ING1: variants seen among roughly 807,000 people sequenced by gnomAD.
ING1 encodes inhibitor of growth protein 1.
In ING1, 4 loss-of-function variants were observed where a neutral mutation model predicts 23.1. That is an observed-to-expected ratio of 0.17 (90% CI 0.09 to 0.40). ING1 has a LOEUF of 0.40. ING1 is among the 10% of genes least tolerant of loss of function. The pLI is 1.00. For missense variants in ING1, 256 were observed against 393.8 expected, an observed-to-expected ratio of 0.65 and a Z score of 2.96; for synonymous variants, 179 against 166.4, an observed-to-expected ratio of 1.08 and a Z score of -0.58.
At position 110,713,844 on chromosome 13, in the gene ING1, T is replaced by C. The variant is rs2064071664; in HGVS notation, c.-306T>C. On this transcript the variant is annotated 5_prime_UTR_variant, in exon 1 of 2. Coordinates refer to ENST00000333219, the MANE Select transcript of ING1 (RefSeq NM_198219.3). Reference sequence around the variant, plus strand: ...CGCTGGGCCCTCTCCCGCCGGTGTGTGCGCGCTCGTACGCGCGGCCCCCGG... The same window carrying C: ...CGCTGGGCCCTCTCCCGCCGGTGTGCGCGCGCTCGTACGCGCGGCCCCCGG... The C allele has an allele frequency of 2.0e-6, 2 of 982,772 alleles. No individual in the cohort carries two copies. Among genetic ancestry groups the C allele is most frequent in the Non-Finnish European group, 1.2e-6 (1 of 828,850 alleles). 60.9% of individuals were successfully genotyped at this position (982,772 alleles called of 1,614,324 possible). A position where few individuals can be genotyped will look rare whatever the true frequency, so the allele number is the denominator to read the frequency against.
rs1456899992 is a variant in ING1 at position 110,719,929 on chromosome 13, G to A, written c.837G>A (p.Arg279=). 4 of 1,594,948 alleles carry A rather than the reference G, an allele frequency of 2.5e-6. No homozygotes were observed. Among genetic ancestry groups the A allele is most frequent in the South Asian group, 2.3e-5 (2 of 88,844 alleles). The part of the protein sequence containing the change: ...EKSKKERAYN[R] ...CCAAAAAAGAGAGGGCTTACAACAG[G>A]TAGTTTGTGGACAGGCGCCTGGTGT... The change falls in exon 2 of 2, where the codon AGG becomes AGA. Residue 279 remains arginine, a synonymous_variant. Coordinates refer to ENST00000333219, the MANE Select transcript of ING1 (RefSeq NM_198219.3). This position sits in a 1 kb window ranked among gnomAD's most constrained non-coding sequence, Gnocchi z 8.9.
rs1013960719 is a variant in ING1, at chr13:110,719,616, C to T, written c.524C>T (p.Thr175Ile). 1.5e-5 allele frequency: 24 copies of T among 1,612,102 alleles called. No individual in the cohort carries two copies. Among genetic ancestry groups the T allele is most frequent in the Non-Finnish European group, 1.9e-5 (23 of 1,179,594 alleles). ...NHDHDDGASG[T>I]PKEKKAKTSK... ...GACCACGACGACGGCGCCTCGGGCA[C>T]ACCCAAGGAGAAGAAGGCCAAGACC... is the stretch of plus-strand genomic sequence containing the variant. The change falls in exon 2 of 2, where the codon ACA becomes ATA. Residue 175 changes from threonine to isoleucine, a missense_variant. Around this residue, in one of 3 missense-constraint regions of ING1, gnomAD observed 209 missense variants for 273.8 expected, o/e 0.76. Transcript: ENST00000333219. This position sits in a 1 kb window ranked among gnomAD's most constrained non-coding sequence, Gnocchi z 8.9.
At chr13:110,716,806 A>G (rs1488998921) in intron 1 of ING1, among the ~76,000 whole-genome samples, 3 of 152,238 alleles carry the variant, frequency 2.0e-5, no homozygotes, top group Non-Finnish European at 4.4e-5. Flanking sequence ...TAGTGTCTGA[A>G]GCTGAGTTGC....
In ING1 at chr13:110,720,154, C is replaced by T; in HGVS notation, c.*222C>T. Reference sequence around the variant, plus strand: ...CTGTGGATCAGCATTTTAGAAACTACAAATATAGGTTTGATTCAACACTTA... The same window carrying T: ...CTGTGGATCAGCATTTTAGAAACTATAAATATAGGTTTGATTCAACACTTA... On this transcript the variant is annotated 3_prime_UTR_variant, in exon 2 of 2. Transcript: ENST00000333219. 1 of 400,154 alleles carries T rather than the reference C, an allele frequency of 2.5e-6. No individual in the cohort carries two copies. The highest frequency in any genetic ancestry group is 4.6e-6 in the Non-Finnish European group (1 of 217,890). The allele number at this position is 400,154 out of a possible 1,614,324, so 24.8% of individuals were successfully genotyped here.
chr13:110,717,431 G>A (rs989281754), intron 1 of ING1, among the ~76,000 whole-genome samples: 1 of 152,176 alleles, frequency 6.6e-6, no homozygotes, highest in African/African-American at 2.4e-5. Flanking sequence ...TTACTCTAGT[G>A]TTAGGTATAT....
Position 110,719,509 on chromosome 13 carries a change from A to G in ING1, c.417A>G (p.Ala139=). The G allele has an allele frequency of 6.2e-7, 1 of 1,611,696 alleles. No homozygotes were observed. Among genetic ancestry groups the G allele is most frequent in the Non-Finnish European group, 8.5e-7 (1 of 1,179,062 alleles). The change falls in exon 2 of 2, where the codon GCA becomes GCG. Residue 139 remains alanine, a synonymous_variant. Transcript: ENST00000333219. This position sits in a 1 kb window ranked among gnomAD's most constrained non-coding sequence, Gnocchi z 8.9. ...AGADRPKGEA[A]AQADKPNSKR... is the part of the protein sequence containing the mutation. ...CGGACAGGCCCAAAGGCGAGGCGGC[A>G]GCGCAGGCTGACAAGCCCAACAGCA... is the stretch of plus-strand genomic sequence containing the variant.
upstream of ING1, chr13:110,713,543 C>A (rs536248412): frequency 4.1e-6 from 4 of 985,990 alleles, no homozygotes; most frequent in Non-Finnish European, 4.8e-6. Flanking sequence ...GCCACGCCCC[C>A]GCGAGGGCCG....
At chr13:110,713,101 G>C, upstream of ING1, 1 of 1,439,046 alleles carries the variant, frequency 6.9e-7, no homozygotes, top group South Asian at 1.4e-5. Context: ...GAGGACTTGG[G>C]TTTCTAGTAG....
Position 110,722,505 on chromosome 13 carries a change from A to G in ING1, c.*2573A>G, listed in dbSNP as rs1359232824. The G allele has an allele frequency of 2.0e-5, 3 of 152,344 alleles. No homozygotes were observed. The highest frequency in any genetic ancestry group is 3.9e-4 in the East Asian group (2 of 5,192). The allele number at this position is 152,344 out of a possible 1,614,324, so 9.4% of individuals were successfully genotyped here. A position where few individuals can be genotyped will look rare whatever the true frequency, so the allele number is the denominator to read the frequency against. ...TTCTTCATATTCAGTTTTGGTGTAG[A>G]CAACTGGTGAAGAGAGATGGCTCAG... On this transcript the variant is annotated 3_prime_UTR_variant, in exon 2 of 2. Coordinates refer to ENST00000333219, the MANE Select transcript of ING1 (RefSeq NM_198219.3).
At chr13:110,718,089 A>C (rs1782325317) in intron 1 of ING1, among the ~76,000 whole-genome samples, 2 of 152,244 alleles carry the variant, frequency 1.3e-5, no homozygotes, top group South Asian at 4.1e-4. Flanking sequence ...TAACATGCCC[A>C]GGAAGGTTTA....
chr13:110,714,311 G>A (rs763565571), intron 1 of ING1, 26 bp downstream of exon 1: 5 of 1,532,542 alleles, frequency 3.3e-6, no homozygotes, highest in Admixed American at 2.0e-5. Flanking sequence ...GGATGGGCGG[G>A]GGCGGCCGCC....
At chr13:110,716,522 A>G (rs922441582) in intron 1 of ING1, among the ~76,000 whole-genome samples, 9 of 152,212 alleles carry the variant, frequency 5.9e-5, no homozygotes, top group African/African-American at 1.9e-4. Context: ...ATGTTAATTC[A>G]TAAACTTGGA....
chr13:110,713,472 C>G (rs1391014927), upstream of ING1: 1 of 989,480 alleles, frequency 1.0e-6, no homozygotes, highest in South Asian at 4.4e-5. Context: ...CCGTCCACAC[C>G]CCAGCGGCCC....
intron 1 of ING1, among the ~76,000 whole-genome samples, chr13:110,716,785 A>G (rs2064127309): frequency 6.6e-6 from 1 of 152,188 alleles, no homozygotes; most frequent in African/African-American, 2.4e-5. Flanking sequence ...ATATGTTTGG[A>G]AAAAAGGCAG....
At chr13:110,715,442 T>C in intron 1 of ING1, 1 of 1,583,806 alleles carries the variant, frequency 6.3e-7, no homozygotes, top group East Asian at 2.3e-5. Context: ...TAGTTGGCTG[T>C]GATGTCCTTC....
At chr13:110,712,952 G>C, upstream of ING1, 1 of 1,560,234 alleles carries the variant, frequency 6.4e-7, no homozygotes, top group Middle Eastern at 1.7e-4. Flanking sequence ...TAGGCTGCTG[G>C]GAGTGGTGGT....
chr13:110,712,959 T>C (rs1341818104), upstream of ING1: 1 of 1,560,120 alleles, frequency 6.4e-7, no homozygotes, highest in Non-Finnish European at 8.7e-7. Flanking sequence ...CTGGGAGTGG[T>C]GGTCCGGCCG....
upstream of ING1, chr13:110,713,691 C>G: frequency 1.0e-6 from 1 of 985,332 alleles, no homozygotes; most frequent in Non-Finnish European, 1.2e-6. Flanking sequence ...GTGTTTGAAA[C>G]TGGTATTTGG....
In ING1 at chr13:110,714,130, G is replaced by A; in HGVS notation, c.-20G>A. The A allele has an allele frequency of 6.6e-7, 1 of 1,507,662 alleles. No individual in the cohort carries two copies. The highest frequency in any genetic ancestry group is 8.9e-7 in the Non-Finnish European group (1 of 1,126,396). The allele number at this position is 1,507,662 out of a possible 1,614,324, so 93.4% of individuals were successfully genotyped here. Reference sequence around the variant, plus strand: ...AAGCGGAAAGCCGCGCCGAGTCGCCGGGGACCTCCGGGGTGAACCATGTTG... The same window carrying A: ...AAGCGGAAAGCCGCGCCGAGTCGCCAGGGACCTCCGGGGTGAACCATGTTG... On this transcript the variant is annotated 5_prime_UTR_variant, in exon 1 of 2. Transcript: ENST00000333219.
Sources: gnomAD v4.1 joint callset for allele counts (sites outside exome capture counted in the v4.1 genomes callset) on GRCh38, gnomAD v4.1.1 for gene constraint, gnomAD v4.1.1 regional missense constraint, Gnocchi (gnomAD v3.1) non-coding constraint, MANE v1.5 for transcripts, NCBI Gene and HGNC (gene_info 2026-07-23, HGNC 2026-07-21) for gene names.